Variants in GTF2F2 observed in about 807,000 individuals in gnomAD.
GTF2F2 encodes ATP-dependent helicase GTF2F2.
Under a neutral mutation model 42.2 loss-of-function variants are expected in GTF2F2, and 23 were observed. The observed-to-expected ratio is 0.55, with a 90% CI of 0.39 to 0.77. The LOEUF is 0.77. Among genes scored for constraint, GTF2F2 ranks in the 30% least tolerant of loss-of-function variants. The pLI is 0.00. For synonymous variants in GTF2F2, 105 were observed against 100.8 expected, an observed-to-expected ratio of 1.04 and a Z score of -0.25; for missense variants, 261 against 287.2, an observed-to-expected ratio of 0.91 and a Z score of 0.66.
At chr13:45,191,224 A>AAAAAAAAAAAAAATATATATAT in intron 4 of GTF2F2, among the ~76,000 whole-genome samples, 1 of 75,312 alleles carries the variant, frequency 1.3e-5, no homozygotes, top group African/African-American at 1.0e-4. Flanking sequence ...ACAAAAAAAA[A>AAAAAAAAAAAAAATATATATAT]ATATATATAT....
chr13:45,195,702 A>T (rs1031804881), intron 4 of GTF2F2, among the ~76,000 whole-genome samples: 2 of 152,152 alleles, frequency 1.3e-5, no homozygotes, highest in Non-Finnish European at 2.9e-5. Flanking sequence ...CTGAGGTTTC[A>T]CTTCTAGCAT....
At chr13:45,133,968 A>G (rs747983168) in intron 1 of GTF2F2, among the ~76,000 whole-genome samples, 1 of 152,196 alleles carries the variant, frequency 6.6e-6, no homozygotes, top group Non-Finnish European at 1.5e-5. Context: ...CAAAAGTACT[A>G]AGGAGAGAGC....
At chr13:45,236,619 T>C (rs1034605642) in intron 5 of GTF2F2, among the ~76,000 whole-genome samples, 14 of 152,082 alleles carry the variant, frequency 9.2e-5, no homozygotes, top group Non-Finnish European at 2.1e-4. Flanking sequence ...TGTTACTGTT[T>C]AGTGTTCCCT....
At chr13:45,124,050 C>G (rs1254963855) in intron 1 of GTF2F2, 1 of 1,138,126 alleles carries the variant, frequency 8.8e-7, no homozygotes, top group East Asian at 2.4e-5. Context: ...AGGTCCCCCA[C>G]CCTGTTGCTG....
intron 4 of GTF2F2, among the ~76,000 whole-genome samples, chr13:45,161,569 C>A (rs886488144): frequency 2.0e-5 from 3 of 152,168 alleles, no homozygotes; most frequent in African/African-American, 7.2e-5. Context: ...GGGCCGGGCA[C>A]CGTGGCTCAG....
intron 5 of GTF2F2, among the ~76,000 whole-genome samples, 184 bp from the exon 6 acceptor site, chr13:45,252,687 G>A (rs1170701804): frequency 2.6e-5 from 4 of 152,094 alleles, no homozygotes; most frequent in African/African-American, 9.7e-5. Context: ...TTTAGCTTGT[G>A]TACTGGTTTC....
intron 2 of GTF2F2, 72 bp downstream of exon 2, chr13:45,136,878 A>G: frequency 1.2e-6 from 1 of 831,894 alleles, no homozygotes; most frequent in Non-Finnish European, 2.0e-6. Context: ...TTTAAAAGTG[A>G]TTATAATTTC....
chr13:45,226,759 C>A (rs1474281050), intron 5 of GTF2F2, among the ~76,000 whole-genome samples: 1 of 152,148 alleles, frequency 6.6e-6, no homozygotes, highest in East Asian at 1.9e-4. Context: ...AAAAACACAG[C>A]TGTCTATTTA....
chr13:45,211,877 C>T (rs1004413853), intron 5 of GTF2F2, among the ~76,000 whole-genome samples: 28 of 152,122 alleles, frequency 1.8e-4, no homozygotes, highest in African/African-American at 6.5e-4. Flanking sequence ...TAATCCACTG[C>T]GCCAGCCCAG....
rs978048122 is a variant in GTF2F2 at position 45,127,652 on chromosome 13, A to G, written c.66+6931A>G. On this transcript the variant is annotated intron_variant, in intron 1 of 7. Transcript: ENST00000340473. The stretch of plus-strand genomic sequence containing the variant: ...CCCCTGGCCTTGTTTTTTTTTGGAG[A>G]CGGAATCTTGCTCTTGTCGCCCAGG... 1.6e-4 allele frequency among the ~76,000 whole-genome samples: 24 copies of G among 148,892 alleles called. No individual in the cohort carries two copies. The South Asian group carries it at 2.5e-3, about 16-fold the overall frequency.
At chr13:45,122,387 G>C (rs561347806) in intron 1 of GTF2F2, among the ~76,000 whole-genome samples, 26 of 152,252 alleles carry the variant, frequency 1.7e-4, no homozygotes, top group African/African-American at 5.8e-4. Context: ...TGTAATCTCA[G>C]CACTTTGGGA....
intron 5 of GTF2F2, among the ~76,000 whole-genome samples, chr13:45,252,041 C>CA (rs1440171842): frequency 6.6e-6 from 1 of 152,112 alleles, no homozygotes; most frequent in East Asian, 1.9e-4. Flanking sequence ...TAATATAAAA[C>CA]AAAATATCCT....
intron 5 of GTF2F2, among the ~76,000 whole-genome samples, chr13:45,242,053 G>C (rs1875339014): frequency 6.6e-6 from 1 of 151,942 alleles, no homozygotes. Flanking sequence ...CTAATAGATT[G>C]ACGTATACTT....
intron 2 of GTF2F2, among the ~76,000 whole-genome samples, chr13:45,139,854 C>T (rs1198572450): frequency 6.6e-6 from 1 of 152,142 alleles, no homozygotes; most frequent in East Asian, 1.9e-4. Context: ...CCCTCAGTAC[C>T]TGCAGGAGAT....
intron 5 of GTF2F2, among the ~76,000 whole-genome samples, chr13:45,236,136 G>A (rs1874966381): frequency 6.6e-6 from 1 of 152,066 alleles, no homozygotes. Flanking sequence ...ATATTCAAGG[G>A]CTTGGCAGTC....
chr13:45,199,087 A>T (rs934583717), intron 4 of GTF2F2, among the ~76,000 whole-genome samples: 4 of 152,208 alleles, frequency 2.6e-5, no homozygotes, highest in African/African-American at 9.7e-5. Flanking sequence ...ACAGCATCTC[A>T]CAAACTGTGC....
At chr13:45,282,487 GTCT>G (rs1297351984) in intron 7 of GTF2F2, among the ~76,000 whole-genome samples, 3 of 152,152 alleles carry the variant, frequency 2.0e-5, no homozygotes, top group Non-Finnish European at 4.4e-5. Context: ...TTTAGGGGAT[GTCT>G]TCTTATCACT....
At chr13:45,239,602 G>A (rs191737906) in intron 5 of GTF2F2, among the ~76,000 whole-genome samples, 1 of 152,196 alleles carries the variant, frequency 6.6e-6, no homozygotes, top group African/African-American at 2.4e-5. Context: ...CAGAAATCTT[G>A]GAGAAAACCA....
At chr13:45,186,390 C>T (rs1872428804) in intron 4 of GTF2F2, among the ~76,000 whole-genome samples, 1 of 151,406 alleles carries the variant, frequency 6.6e-6, no homozygotes, top group Non-Finnish European at 1.5e-5. Flanking sequence ...CTCCTAGGTT[C>T]AAATGATTCT....
Sources: allele counts gnomAD v4.1 joint callset (sites outside exome capture counted in the v4.1 genomes callset), GRCh38; gene constraint gnomAD v4.1.1; transcripts MANE v1.5; gene names NCBI Gene and HGNC (gene_info 2026-07-23, HGNC 2026-07-21).